The following RBPJ variants were observed in gnomAD, a reference collection of about 807,000 sequenced individuals.
RBPJ encodes the protein recombining binding protein suppressor of hairless.
RBPJ carries 9 observed loss-of-function variants against 67.8 expected under a neutral mutation model. That is an observed-to-expected ratio of 0.13 (90% confidence interval 0.08 to 0.23). RBPJ has a LOEUF of 0.23. Among genes scored for constraint, RBPJ ranks in the 10% least tolerant of loss-of-function variants. RBPJ has a pLI of 1.00. For synonymous variants in RBPJ, 198 were observed against 203.3 expected, an observed-to-expected ratio of 0.97 and a Z score of 0.22; for missense variants, 305 against 595.6, an observed-to-expected ratio of 0.51 and a Z score of 5.08.
intron 2 of RBPJ, among the ~76,000 whole-genome samples, chr4:26,401,558 A>C (rs778837704): frequency 6.6e-6 from 1 of 152,232 alleles, no homozygotes. Flanking sequence ...GATATTATCA[A>C]ATACCAAGTT....
intron 1 of RBPJ, among the ~76,000 whole-genome samples, chr4:26,225,910 C>G (rs779408919): frequency 1.3e-5 from 2 of 151,448 alleles, no homozygotes; most frequent in African/African-American, 2.4e-5. Flanking sequence ...CACTTTGGGA[C>G]GCTGAGGTGG....
intron 1 of RBPJ, among the ~76,000 whole-genome samples, chr4:26,236,804 C>T (rs1432271373): frequency 6.6e-6 from 1 of 152,176 alleles, no homozygotes; most frequent in Non-Finnish European, 1.5e-5. Context: ...TTAAATGAAA[C>T]AACCCATGTT....
At chr4:26,119,814 C>T in the RBPJ span, among the ~76,000 whole-genome samples, 1 of 152,198 alleles carries the variant, frequency 6.6e-6, no homozygotes, top group African/African-American at 2.4e-5. Flanking sequence ...TATTCAAGTC[C>T]TAGATGTGGC....
At chr4:26,218,587 G>T (rs1044084547) in intron 1 of RBPJ, among the ~76,000 whole-genome samples, 1 of 152,196 alleles carries the variant, frequency 6.6e-6, no homozygotes, top group Non-Finnish European at 1.5e-5. Context: ...TGTTATTACT[G>T]TTGTGGCTGT....
In RBPJ at chr4:26,216,244, G is replaced by A. The variant is rs534229962; in HGVS notation, c.-167+52630G>A. Among the ~76,000 whole-genome samples, 49 of 152,186 alleles carry A rather than the reference G, an allele frequency of 3.2e-4. 1 individual carries two copies. The South Asian group carries it at 1.0e-2, about 31-fold the overall frequency. On this transcript the variant is annotated intron_variant, in intron 1 of 4. Transcript: ENST00000512351. ...GGATATCTTTAAGTTAATTACTCCTGCAAAGACTCTTTTTGCAAATAAGGT... is the reference window on the plus strand; with the variant it reads ...GGATATCTTTAAGTTAATTACTCCTACAAAGACTCTTTTTGCAAATAAGGT...
At chr4:26,316,689 C>A, upstream of RBPJ, among the ~76,000 whole-genome samples, 1 of 138,934 alleles carries the variant, frequency 7.2e-6, no homozygotes. Flanking sequence ...TATATATACA[C>A]ATATTGTGTA....
At chr4:26,334,175 G>A (rs1724560825) in intron 1 of RBPJ, among the ~76,000 whole-genome samples, 1 of 151,794 alleles carries the variant, frequency 6.6e-6, no homozygotes, top group Non-Finnish European at 1.5e-5. Context: ...CGAGTAGCTG[G>A]GATTATAGGC....
At chr4:26,300,618 T>G in intron 1 of RBPJ, among the ~76,000 whole-genome samples, 1 of 152,214 alleles carries the variant, frequency 6.6e-6, no homozygotes, top group Non-Finnish European at 1.5e-5. Context: ...TGATCACTCC[T>G]GTTTAATTTT....
intron 1 of RBPJ, among the ~76,000 whole-genome samples, chr4:26,255,265 G>A (rs1208501467): frequency 3.8e-4 from 53 of 139,850 alleles, no homozygotes; most frequent in African/African-American, 1.4e-3. Flanking sequence ...TGAGCCGGGC[G>A]TGGTGGCGGG....
intron 1 of RBPJ, among the ~76,000 whole-genome samples, chr4:26,217,897 T>A (rs998401561): frequency 3.3e-5 from 5 of 152,156 alleles, no homozygotes; most frequent in African/African-American, 1.2e-4. Context: ...GCTTCGCAAG[T>A]GCCAGAGACA....
At chr4:26,339,309 A>G (rs1725243595) in intron 1 of RBPJ, among the ~76,000 whole-genome samples, 1 of 152,112 alleles carries the variant, frequency 6.6e-6, no homozygotes, top group Non-Finnish European at 1.5e-5. Context: ...AGTTGGTAGG[A>G]GAATTGGAAT....
chr4:26,320,905 GGGA>G (rs1342796064), upstream of RBPJ: 701 of 1,595,932 alleles, frequency 4.4e-4, 1 homozygote, highest in South Asian at 9.3e-4. Flanking sequence ...CGAGGGGAAA[GGGA>G]GCGCGGGGGC....
chr4:26,232,542 A>G (rs1241252459), intron 1 of RBPJ, among the ~76,000 whole-genome samples: 1 of 152,216 alleles, frequency 6.6e-6, no homozygotes, highest in Non-Finnish European at 1.5e-5. Flanking sequence ...TTTCTGTTTT[A>G]TTAGTTCCAA....
the RBPJ span, among the ~76,000 whole-genome samples, chr4:26,128,124 A>G: frequency 6.6e-6 from 1 of 152,224 alleles, no homozygotes; most frequent in South Asian, 2.1e-4. Flanking sequence ...CTCCTCATAT[A>G]GGTGAGGCTC....
At chr4:26,421,145 G>C (rs968333418) in intron 5 of RBPJ, among the ~76,000 whole-genome samples, 5 of 152,262 alleles carry the variant, frequency 3.3e-5, no homozygotes, top group Admixed American at 2.0e-4. Context: ...ATGGGCTTTG[G>C]CAGGCCTTCC....
At chr4:26,253,163 G>A (rs929068724) in intron 1 of RBPJ, among the ~76,000 whole-genome samples, 5 of 152,108 alleles carry the variant, frequency 3.3e-5, no homozygotes, top group African/African-American at 1.2e-4. Context: ...CCTAAACCGG[G>A]TAACCCGGTA....
intron 1 of RBPJ, among the ~76,000 whole-genome samples, chr4:26,194,183 T>C (rs1717670238): frequency 6.6e-6 from 1 of 152,256 alleles, no homozygotes; most frequent in Non-Finnish European, 1.5e-5. Flanking sequence ...GTCTAATTTC[T>C]TGGCTGGATA....
intron 2 of RBPJ, among the ~76,000 whole-genome samples, chr4:26,394,906 T>C (rs1215779174): frequency 2.0e-5 from 3 of 152,212 alleles, no homozygotes; most frequent in Non-Finnish European, 4.4e-5. Flanking sequence ...AGTTTACCAT[T>C]TCTTCAAGGT....
intron 1 of RBPJ, among the ~76,000 whole-genome samples, chr4:26,353,552 A>T (rs1727022764): frequency 6.6e-6 from 1 of 152,046 alleles, no homozygotes; most frequent in Non-Finnish European, 1.5e-5. Context: ...CAACCTTTTT[A>T]TACTTCAAAT....
Sources: gnomAD v4.1 joint callset for allele counts (sites outside exome capture counted in the v4.1 genomes callset) on GRCh38, gnomAD v4.1.1 for gene constraint, MANE v1.5 for transcripts, NCBI Gene and HGNC (gene_info 2026-07-23, HGNC 2026-07-21) for gene names.